ZNF831: variants seen among roughly 807,000 people sequenced by gnomAD.
ZNF831 encodes the protein chromosome 20 open reading frame 174.
In ZNF831, 59 loss-of-function variants were observed where a neutral mutation model predicts 95.8. That is an observed-to-expected ratio of 0.62 (90% CI 0.50 to 0.77). The LOEUF (loss-of-function observed/expected upper bound fraction) is 0.77. ZNF831 is among the 30% of genes least tolerant of loss of function. The probability of loss-of-function intolerance (pLI) is 0.00; values close to 1 mark genes in which losing one functional copy is unlikely to be tolerated. For missense variants in ZNF831, 2,205 were observed against 2,164.0 expected, an observed-to-expected ratio of 1.02 and a Z score of -0.38; for synonymous variants, 961 against 925.5, an observed-to-expected ratio of 1.04 and a Z score of -0.70.
Position 59,193,564 on chromosome 20 carries a change from CAG to C in ZNF831, c.2546_2547del (p.Gln849ProfsTer78). 1 of 1,606,442 alleles carries C rather than the reference CAG, an allele frequency of 6.2e-7. No individual in the cohort carries two copies. The highest frequency in any genetic ancestry group is 8.5e-7 in the Non-Finnish European group (1 of 1,176,572). On this transcript the variant is annotated frameshift_variant, in exon 2 of 6. Coordinates refer to ENST00000371030, the MANE Select transcript of ZNF831 (RefSeq NM_178457.3). LOFTEE classifies it high-confidence loss of function. ...CGCAGAGACCCCAGGTGGGCCCACG[CAG>C]CCTGCCTCTTTGTCATCCCAGAAGC... ...VSAETPGGPT[Q>X]PASLSSQKQD...
intron 4 of ZNF831, among the ~76,000 whole-genome samples, chr20:59,224,205 C>T (rs1191604912): frequency 6.6e-6 from 1 of 152,224 alleles, no homozygotes; most frequent in African/African-American, 2.4e-5. Flanking sequence ...AGACCTGCTT[C>T]CCCTCCCAAC....
intron 2 of ZNF831, among the ~76,000 whole-genome samples, chr20:59,153,909 G>A (rs1405273173): frequency 6.6e-6 from 1 of 152,192 alleles, no homozygotes; most frequent in Non-Finnish European, 1.5e-5. Context: ...AAAGCCTGAC[G>A]TATAAACCAG....
In ZNF831 at chr20:59,194,236, CA is replaced by C. The variant is rs761708876; in HGVS notation, c.3218del (p.His1073ProfsTer22). The C allele has an allele frequency of 6.2e-7, 1 of 1,613,886 alleles. No homozygotes were observed. Among genetic ancestry groups the C allele is most frequent in the Non-Finnish European group, 8.5e-7 (1 of 1,179,946 alleles). ...HLVQDMEGDSHRIHRLCMGST... is the reference protein window; with the variant it reads ...HLVQDMEGDSXRIHRLCMGST... ...AGTTCAGGACATGGAGGGTGACAGC[CA>C]CCGTATCCATCGCCTCTGCATGGGC... is the stretch of plus-strand genomic sequence containing the variant. On this transcript the variant is annotated frameshift_variant, in exon 2 of 6. Transcript: ENST00000371030. LOFTEE classifies it high-confidence loss of function.
chr20:59,194,305 C>A lies in ZNF831; in HGVS notation c.3286C>A (p.Pro1096Thr), dbSNP rs761224004. ...RARLSGDVLN[P>T]WVPNWELGEP... ...CAGGCTCTCTGGGGATGTCCTGAAT[C>A]CCTGGGTACCCAACTGGGAGCTGGG... is the stretch of plus-strand genomic sequence containing the variant. Residue 1096 changes from proline (P) to threonine (T), a missense_variant, in exon 2 of 6, where the codon CCC becomes ACC. By Grantham distance (38) the Pro-to-Thr change is conservative. Transcript: ENST00000371030. 6.2e-7 allele frequency: 1 copy of A among 1,613,798 alleles called. No homozygotes were observed. The highest frequency in any genetic ancestry group is 2.2e-5 in the East Asian group (1 of 44,892).
At chr20:59,160,819 A>G (rs1242807093), upstream of ZNF831, 1 of 131,334 alleles carries the variant, frequency 7.6e-6, no homozygotes, top group African/African-American at 3.2e-5. Flanking sequence ...TTTTTTTTCT[A>G]GCTGCATGAG....
intron 2 of ZNF831, among the ~76,000 whole-genome samples, chr20:59,151,027 A>T (rs1228444480): frequency 6.6e-6 from 1 of 152,244 alleles, no homozygotes; most frequent in Non-Finnish European, 1.5e-5. Context: ...CACAGCCTCC[A>T]GCCGTCCATG....
upstream of ZNF831, among the ~76,000 whole-genome samples, chr20:59,161,059 C>A (rs1980823226): frequency 1.3e-5 from 2 of 152,120 alleles, no homozygotes; most frequent in Admixed American, 1.3e-4. Flanking sequence ...CTATCTGTAC[C>A]ATGGTGCTTA....
At chr20:59,125,818 A>G (rs745323397) in intron 1 of ZNF831, among the ~76,000 whole-genome samples, 5 of 152,186 alleles carry the variant, frequency 3.3e-5, no homozygotes, top group Non-Finnish European at 5.9e-5. Flanking sequence ...CCGTGACTAC[A>G]GTAAAATCTC....
chr20:59,174,115 G>T (rs1302277939), intron 1 of ZNF831, among the ~76,000 whole-genome samples: 1 of 152,176 alleles, frequency 6.6e-6, no homozygotes, highest in Non-Finnish European at 1.5e-5. Flanking sequence ...GGGAGCCTGG[G>T]CACAGCAGGA....
rs763051862 is a variant in ZNF831 at position 59,254,658 on chromosome 20, G to C, written c.4949G>C (p.Ser1650Thr). ...EAPSKSLKKRSLEGMRKQTRV... is the reference protein window; with the variant it reads ...EAPSKSLKKRTLEGMRKQTRV... Reference sequence around the variant, plus strand: ...CCTTCTAAATCCCTCAAGAAGAGGAGTCTGGAAGGAATGAGAAAGCAAACT... The same window carrying C: ...CCTTCTAAATCCCTCAAGAAGAGGACTCTGGAAGGAATGAGAAAGCAAACT... Residue 1650 changes from serine (S) to threonine (T), a missense_variant, in exon 6 of 6, where the codon AGT becomes ACT. Ser to Thr is a moderately conservative substitution (Grantham distance 58). Transcript: ENST00000371030. This position sits in a 1 kb window ranked among gnomAD's most constrained non-coding sequence, Gnocchi z 4.5. 1 of 1,614,124 alleles carries C rather than the reference G, an allele frequency of 6.2e-7. No homozygotes were observed.
intron 2 of ZNF831, among the ~76,000 whole-genome samples, chr20:59,158,064 G>A (rs921224580): frequency 2.6e-5 from 4 of 152,164 alleles, no homozygotes; most frequent in African/African-American, 4.8e-5. Flanking sequence ...ATTAAAAGTC[G>A]GTAGCCAAGT....
chr20:59,167,428 C>CAAA (rs11477789), intron 1 of ZNF831, among the ~76,000 whole-genome samples: 2 of 139,456 alleles, frequency 1.4e-5, no homozygotes, highest in Non-Finnish European at 3.1e-5. Context: ...TTGCACAGAG[C>CAAA]AAAAAAAAAA....
At chr20:59,123,721 G>A (rs1214248897) in intron 1 of ZNF831, among the ~76,000 whole-genome samples, 2 of 152,166 alleles carry the variant, frequency 1.3e-5, no homozygotes, top group East Asian at 1.9e-4. Context: ...GTCAGTGCAG[G>A]TGAGGGGAGT....
rs1317082905 is a variant in ZNF831 at position 59,217,836 on chromosome 20, A to G, written c.4027+10780A>G. On this transcript the variant is annotated intron_variant, in intron 4 of 5. Coordinates refer to ENST00000371030, the MANE Select transcript of ZNF831 (RefSeq NM_178457.3). The surrounding 1 kb of genome is among the most constrained non-coding windows in gnomAD (Gnocchi z 4.4). ...TTTCTCTTGACCAGATGTTATGTCC[A>G]CTGGGCACAATTTGATATTCTCACC... is the stretch of plus-strand genomic sequence containing the variant. Among the ~76,000 whole-genome samples, 1 of 152,214 alleles carries G rather than the reference A, an allele frequency of 6.6e-6. No individual in the cohort carries two copies. Among genetic ancestry groups the G allele is most frequent in the African/African-American group, 2.4e-5 (1 of 41,448 alleles).
At chr20:59,239,871 G>A (rs1987223599) in intron 4 of ZNF831, among the ~76,000 whole-genome samples, 1 of 152,158 alleles carries the variant, frequency 6.6e-6, no homozygotes, top group Non-Finnish European at 1.5e-5. Context: ...AGCAGACCTT[G>A]TGACTTCTAT....
At chr20:59,238,532 G>A (rs259969) in intron 4 of ZNF831, among the ~76,000 whole-genome samples, 59,069 of 151,976 alleles carry the variant, frequency 0.39, 11,737 homozygotes, top group South Asian at 0.65. Context: ...GCAGCCAGTC[G>A]CCTAGATTGT....
In ZNF831 at chr20:59,208,594, T is replaced by A. The variant is rs1265560347; in HGVS notation, c.4027+1538T>A. ...GGGTACCTGGGAATTGTGCACAGAATTGTGTGTGTGTGGGTGACTTCCAGA... is the reference window on the plus strand; with the variant it reads ...GGGTACCTGGGAATTGTGCACAGAAATGTGTGTGTGTGGGTGACTTCCAGA... On this transcript the variant is annotated intron_variant, in intron 4 of 5. Transcript: ENST00000371030. The surrounding 1 kb of genome is among the most constrained non-coding windows in gnomAD (Gnocchi z 4.2). 6.6e-6 allele frequency among the ~76,000 whole-genome samples: 1 copy of A among 151,996 alleles called. No homozygotes were observed. Among genetic ancestry groups the A allele is most frequent in the Non-Finnish European group, 1.5e-5 (1 of 67,948 alleles).
chr20:59,205,975 C>CAAT (rs934194572), intron 3 of ZNF831, among the ~76,000 whole-genome samples: 7 of 152,032 alleles, frequency 4.6e-5, no homozygotes, highest in African/African-American at 1.7e-4. Context: ...TGACATGAAA[C>CAAT]AATAGAAACA....
rs775528794 is a variant in ZNF831 at position 59,253,847 on chromosome 20, T to C, written c.4189-51T>C. ...ACGTTTCTGACCACATTTTTCTTTG[T>C]ACCAATTAACCTCCCCCCCCACTTT... is the stretch of plus-strand genomic sequence containing the variant. On this transcript the variant is annotated intron_variant, in intron 5 of 5. Coordinates refer to ENST00000371030, the MANE Select transcript of ZNF831 (RefSeq NM_178457.3). 2.0e-6 allele frequency: 3 copies of C among 1,477,766 alleles called. No homozygotes were observed. In the East Asian group the frequency reaches 7.7e-5, roughly 38 times the overall value. 91.5% of individuals were successfully genotyped at this position (1,477,766 alleles called of 1,614,324 possible). A position where few individuals can be genotyped will look rare whatever the true frequency, so the allele number is the denominator to read the frequency against.
Sources: allele counts gnomAD v4.1 joint callset (sites outside exome capture counted in the v4.1 genomes callset), GRCh38; gene constraint gnomAD v4.1.1; non-coding constraint Gnocchi (gnomAD v3.1); transcripts MANE v1.5; gene names NCBI Gene and HGNC (gene_info 2026-07-23, HGNC 2026-07-21).